GRM1: variants seen among roughly 807,000 people sequenced by gnomAD.
The protein encoded by GRM1 is metabotropic glutamate receptor 1.
GRM1 carries 33 observed loss-of-function variants against 90.9 expected under a neutral mutation model. The observed-to-expected ratio is 0.36, with a 90% CI of 0.28 to 0.49. The LOEUF (loss-of-function observed/expected upper bound fraction) is 0.49. Among genes scored for constraint, GRM1 ranks in the 20% least tolerant of loss-of-function variants. The pLI is 0.99. For missense variants in GRM1, 1,190 were observed against 1,534.3 expected (o/e 0.78, Z 3.75); for synonymous variants, 700 against 613.2 (o/e 1.14, Z -2.09).
At chr6:146,243,365 T>C (rs767713685) in intron 2 of GRM1, among the ~76,000 whole-genome samples, 2 of 152,096 alleles carry the variant, frequency 1.3e-5, no homozygotes, top group Non-Finnish European at 2.9e-5. Context: ...TGTTTCTGTT[T>C]TCTTAATGGA....
chr6:146,304,725 G>A lies in GRM1; in HGVS notation c.1065G>A (p.Leu355=), dbSNP rs1274335468. The change falls in exon 3 of 8, where the codon CTG becomes CTA. Residue 355 remains leucine, a synonymous_variant. Coordinates refer to ENST00000282753, the MANE Select transcript of GRM1 (RefSeq NM_001278064.2). ...PEVRSFDDYF[L]KLRLDTNTRN... ...TCAGGTCATTTGATGATTATTTCCT[G>A]AAACTGAGGCTGGACACTAACACGA... The A allele has an allele frequency of 6.2e-7, 1 of 1,613,952 alleles. No individual in the cohort carries two copies. Among genetic ancestry groups the A allele is most frequent in the Non-Finnish European group, 8.5e-7 (1 of 1,179,922 alleles).
intron 1 of GRM1, among the ~76,000 whole-genome samples, chr6:146,146,322 C>G (rs559297457): frequency 1.2e-4 from 18 of 151,656 alleles, no homozygotes; most frequent in African/African-American, 3.4e-4. Flanking sequence ...CTCCTGACCT[C>G]GTGATCCACC....
chr6:146,408,804 A>C (rs1201986927), intron 7 of GRM1, among the ~76,000 whole-genome samples: 2 of 152,168 alleles, frequency 1.3e-5, no homozygotes, highest in African/African-American at 4.8e-5. Context: ...CAGCTAAAGA[A>C]AGATGAGGTC....
chr6:146,302,634 A>G (rs1783431020), intron 2 of GRM1, among the ~76,000 whole-genome samples: 1 of 150,916 alleles, frequency 6.6e-6, no homozygotes, highest in Non-Finnish European at 1.5e-5. Context: ...CAAGCAATCT[A>G]CCTCCCTTGG....
At chr6:146,047,902 G>A (rs1562427369) in intron 1 of GRM1, among the ~76,000 whole-genome samples, 1 of 151,962 alleles carries the variant, frequency 6.6e-6, no homozygotes, top group Non-Finnish European at 1.5e-5. Flanking sequence ...GCATATAACA[G>A]GCATATTTCC....
intron 3 of GRM1, among the ~76,000 whole-genome samples, chr6:146,307,575 C>T (rs1406665678): frequency 6.6e-6 from 1 of 152,090 alleles, no homozygotes; most frequent in African/African-American, 2.4e-5. Context: ...TATTCTTATC[C>T]ATTTGAGATC....
At chr6:146,343,973 G>A (rs933266060) in intron 3 of GRM1, among the ~76,000 whole-genome samples, 1 of 151,984 alleles carries the variant, frequency 6.6e-6, no homozygotes, top group Non-Finnish European at 1.5e-5. Context: ...TTGTTGATTC[G>A]GTGAAAAGAG....
chr6:146,389,046 T>A lies in GRM1; in HGVS notation c.1729+2030T>A, dbSNP rs569923077. On this transcript the variant is annotated intron_variant, in intron 6 of 7. Transcript: ENST00000282753. ...TTTTGGACTCATGCCTTCCCTCCAC[T>A]TACATTATTTCTCTTCAAATTTGTA... Among the ~76,000 whole-genome samples, 14 of 152,184 alleles carry A rather than the reference T, an allele frequency of 9.2e-5. No individual in the cohort carries two copies. In the East Asian group the frequency reaches 2.7e-3, roughly 29 times the overall value.
chr6:146,400,319 T>C (rs546752416), intron 7 of GRM1, among the ~76,000 whole-genome samples: 2 of 152,110 alleles, frequency 1.3e-5, no homozygotes, highest in South Asian at 4.1e-4. Context: ...ATAAACATGT[T>C]CCACGATGTT....
intron 3 of GRM1, among the ~76,000 whole-genome samples, chr6:146,326,965 A>G (rs977600319): frequency 1.8e-4 from 28 of 152,216 alleles, no homozygotes; most frequent in African/African-American, 6.0e-4. Context: ...TTTTAATTTT[A>G]GAAAAGTTTT....
chr6:146,121,573 A>G (rs1182058945), intron 1 of GRM1, among the ~76,000 whole-genome samples: 1 of 152,092 alleles, frequency 6.6e-6, no homozygotes, highest in Non-Finnish European at 1.5e-5. Context: ...GTGGGCATTT[A>G]GTGCTATAAA....
intron 2 of GRM1, among the ~76,000 whole-genome samples, chr6:146,216,595 A>G (rs1251526973): frequency 6.6e-6 from 1 of 152,228 alleles, no homozygotes; most frequent in Non-Finnish European, 1.5e-5. Context: ...AGTTTATTAA[A>G]GTTGGCTACA....
At chr6:146,302,240 G>A (rs1246483262) in intron 2 of GRM1, among the ~76,000 whole-genome samples, 1 of 150,872 alleles carries the variant, frequency 6.6e-6, no homozygotes, top group African/African-American at 2.4e-5. Flanking sequence ...TCTTAAAGAA[G>A]CCATCTCTAA....
intron 3 of GRM1, among the ~76,000 whole-genome samples, chr6:146,322,442 C>T (rs1420332032): frequency 1.3e-5 from 2 of 152,192 alleles, no homozygotes; most frequent in Non-Finnish European, 2.9e-5. Context: ...ACCCACTGCT[C>T]TCTTCAGAGC....
chr6:146,184,719 C>T (rs1197178499), intron 2 of GRM1, among the ~76,000 whole-genome samples: 1 of 152,102 alleles, frequency 6.6e-6, no homozygotes, highest in Non-Finnish European at 1.5e-5. Flanking sequence ...ATTTATTTTT[C>T]ATGTTATATA....
chr6:146,032,995 A>G (rs1306609096), intron 1 of GRM1, among the ~76,000 whole-genome samples: 1 of 152,134 alleles, frequency 6.6e-6, no homozygotes, highest in Non-Finnish European at 1.5e-5. Flanking sequence ...TAGTTTTTAT[A>G]TTCTCTTACA....
At chr6:146,248,984 A>T (rs1781175883) in intron 2 of GRM1, among the ~76,000 whole-genome samples, 1 of 152,144 alleles carries the variant, frequency 6.6e-6, no homozygotes, top group Non-Finnish European at 1.5e-5. Flanking sequence ...CTTGAGAGAG[A>T]TGATTTAGGG....
At chr6:146,139,070 T>G in intron 1 of GRM1, among the ~76,000 whole-genome samples, 1 of 152,142 alleles carries the variant, frequency 6.6e-6, no homozygotes, top group Non-Finnish European at 1.5e-5. Flanking sequence ...TCTTCTTAAT[T>G]TCTTTATTGA....
intron 7 of GRM1, chr6:146,426,793 T>G: frequency 1.7e-6 from 1 of 601,210 alleles, no homozygotes; most frequent in Non-Finnish European, 3.0e-6. Context: ...CTGCCTTAAA[T>G]TGATTGTCCA....
Sources: allele counts gnomAD v4.1 joint callset (sites outside exome capture counted in the v4.1 genomes callset), GRCh38; gene constraint gnomAD v4.1.1; transcripts MANE v1.5; gene names NCBI Gene and HGNC (gene_info 2026-07-23, HGNC 2026-07-21).